HNF4G: variants seen among roughly 807,000 people sequenced by gnomAD.
HNF4G encodes the protein hepatocyte nuclear factor 4-gamma.
A neutral mutation model predicts 50.9 loss-of-function variants in HNF4G; 21 were observed. The ratio of observed to expected loss-of-function variants is 0.41; its 90% CI spans 0.29 to 0.59. The LOEUF is 0.59. HNF4G is among the 20% of genes least tolerant of loss of function. HNF4G has a pLI of 0.26. For synonymous variants in HNF4G, 198 were observed against 185.6 expected (o/e 1.07, Z -0.54); for missense variants, 527 against 559.4 (o/e 0.94, Z 0.58).
intron 1 of HNF4G, among the ~76,000 whole-genome samples, chr8:75,450,795 G>A (rs1811566025): frequency 6.6e-6 from 1 of 152,136 alleles, no homozygotes; most frequent in South Asian, 2.1e-4. Context: ...TAAGTCCTGA[G>A]GGCTCTGTCC....
chr8:75,536,692 G>C (rs1418950098), upstream of HNF4G, among the ~76,000 whole-genome samples: 1 of 151,944 alleles, frequency 6.6e-6, no homozygotes, highest in Admixed American at 6.6e-5. Flanking sequence ...CATGTTTATT[G>C]AGTTATAAAA....
intron 1 of HNF4G, among the ~76,000 whole-genome samples, chr8:75,486,557 A>G (rs12114252): frequency 0.23 from 34,697 of 152,112 alleles, 5,162 homozygotes; most frequent in African/African-American, 0.42. Flanking sequence ...ATTAGTAATA[A>G]TTACTATAGT....
At chr8:75,472,698 A>G (rs536635591) in intron 1 of HNF4G, among the ~76,000 whole-genome samples, 2 of 152,322 alleles carry the variant, frequency 1.3e-5, no homozygotes, top group South Asian at 4.1e-4. Context: ...GAAATGGGTG[A>G]AATAGGTAAA....
chr8:75,477,005 A>G (rs1236427250), intron 1 of HNF4G, among the ~76,000 whole-genome samples: 1 of 152,168 alleles, frequency 6.6e-6, no homozygotes, highest in Non-Finnish European at 1.5e-5. Flanking sequence ...TGTCTTATCT[A>G]TTTTCAAGTA....
chr8:75,415,785 G>T (rs1313972493), intron 1 of HNF4G, among the ~76,000 whole-genome samples: 1 of 151,832 alleles, frequency 6.6e-6, no homozygotes, highest in Non-Finnish European at 1.5e-5. Flanking sequence ...GTGTTGGGGG[G>T]TGGGGGGCAT....
At chr8:75,467,372 G>A (rs1812011487) in intron 1 of HNF4G, among the ~76,000 whole-genome samples, 2 of 152,058 alleles carry the variant, frequency 1.3e-5, no homozygotes, top group South Asian at 2.1e-4. Flanking sequence ...TTTTATATTC[G>A]CAAACAGGGC....
chr8:75,536,303 T>A (rs1806463071), upstream of HNF4G, among the ~76,000 whole-genome samples: 1 of 152,014 alleles, frequency 6.6e-6, no homozygotes, highest in Non-Finnish European at 1.5e-5. Context: ...TTGCTATGTA[T>A]AAATGATGTG....
upstream of HNF4G, among the ~76,000 whole-genome samples, chr8:75,536,883 A>T (rs1585933465): frequency 6.6e-6 from 1 of 152,098 alleles, no homozygotes; most frequent in Admixed American, 6.6e-5. Context: ...TTAAATAAAT[A>T]AAAATATTCT....
At chr8:75,551,587 G>GCTCAT (rs1806962114) in intron 4 of HNF4G, 93 bp downstream of exon 4, 2 of 706,018 alleles carry the variant, frequency 2.8e-6, no homozygotes, top group East Asian at 5.4e-5. Context: ...TTTCAAAGGT[G>GCTCAT]CTCATTACTA....
intron 2 of HNF4G, among the ~76,000 whole-genome samples, chr8:75,501,322 T>C (rs889819762): frequency 6.6e-6 from 1 of 152,076 alleles, no homozygotes; most frequent in African/African-American, 2.4e-5. Context: ...TATGCACACC[T>C]GTAGTCCCAC....
chr8:75,509,428 G>C (rs1444625159), intron 2 of HNF4G, among the ~76,000 whole-genome samples: 1 of 152,202 alleles, frequency 6.6e-6, no homozygotes, highest in South Asian at 2.1e-4. Flanking sequence ...TGCAATTAGG[G>C]TTGGGTGTGA....
intron 3 of HNF4G, among the ~76,000 whole-genome samples, chr8:75,550,340 TCTCA>T (rs1185998782): frequency 6.6e-6 from 1 of 151,844 alleles, no homozygotes; most frequent in Non-Finnish European, 1.5e-5. Flanking sequence ...TGAGATGGAG[TCTCA>T]CTCTGTCACT....
chr8:75,553,786 G>A (rs1442361359), intron 5 of HNF4G, among the ~76,000 whole-genome samples: 1 of 151,926 alleles, frequency 6.6e-6, no homozygotes, highest in Non-Finnish European at 1.5e-5. Context: ...AATTTATAGA[G>A]AAATAAAATT....
intron 3 of HNF4G, among the ~76,000 whole-genome samples, chr8:75,550,470 GC>G (rs1246053686): frequency 2.0e-5 from 3 of 151,810 alleles, no homozygotes; most frequent in African/African-American, 7.3e-5. Context: ...GTGCCACCAC[GC>G]CTGGCTAATT....
intron 1 of HNF4G, among the ~76,000 whole-genome samples, chr8:75,445,313 C>T (rs376019436): frequency 6.7e-5 from 3 of 45,108 alleles, no homozygotes; most frequent in African/African-American, 3.1e-4. Flanking sequence ...ACTAAATGCC[C>T]ACAAGAGAAA....
chr8:75,434,176 G>A (rs1585839387), intron 1 of HNF4G, among the ~76,000 whole-genome samples: 1 of 151,534 alleles, frequency 6.6e-6, no homozygotes, highest in South Asian at 2.1e-4. Flanking sequence ...GCTAATTTTT[G>A]TATTTTTAGT....
intron 1 of HNF4G, among the ~76,000 whole-genome samples, chr8:75,479,306 C>A (rs894198856): frequency 6.6e-6 from 1 of 152,154 alleles, no homozygotes; most frequent in African/African-American, 2.4e-5. Context: ...CATATGGTAC[C>A]AATCAAATCT....
chr8:75,489,564 A>G (rs1377662243), intron 1 of HNF4G, among the ~76,000 whole-genome samples: 1 of 152,180 alleles, frequency 6.6e-6, no homozygotes, highest in African/African-American at 2.4e-5. Flanking sequence ...GTTACATTCA[A>G]TTGAACTCTA....
chr8:75,558,445 T>C, intron 6 of HNF4G, 73 bp from the exon 7 acceptor site: 1 of 1,419,338 alleles, frequency 7.0e-7, no homozygotes, highest in South Asian at 1.3e-5. Flanking sequence ...TTTGTTAAAT[T>C]TTAAACAGTG....
Sources: allele counts gnomAD v4.1 joint callset (sites outside exome capture counted in the v4.1 genomes callset), GRCh38; gene constraint gnomAD v4.1.1; transcripts MANE v1.5; gene names NCBI Gene and HGNC (gene_info 2026-07-23, HGNC 2026-07-21).